The following SNRNP40 variants were observed in gnomAD, a reference collection of about 807,000 sequenced individuals.
The protein encoded by SNRNP40 is small nuclear ribonucleoprotein U5 subunit 40.
Under a neutral mutation model 45.8 loss-of-function variants are expected in SNRNP40, and 21 were observed. The ratio of observed to expected loss-of-function variants is 0.46; its 90% confidence interval spans 0.32 to 0.66. The LOEUF (loss-of-function observed/expected upper bound fraction) is 0.66, where lower values mean the gene tolerates loss of function less well. Ranked by LOEUF, SNRNP40 falls within the 30% of genes least tolerant of loss-of-function variation. The pLI is 0.03. For synonymous variants in SNRNP40, 142 were observed against 163.8 expected, an observed-to-expected ratio of 0.87 and a Z score of 1.01; for missense variants, 344 against 439.1, an observed-to-expected ratio of 0.78 and a Z score of 1.94.
chr1:31,280,320 C>T (rs1168639813), intron 5 of SNRNP40, among the ~76,000 whole-genome samples: 1 of 151,578 alleles, frequency 6.6e-6, no homozygotes, highest in Admixed American at 6.6e-5. Context: ...ACCACCATCA[C>T]ATCCAGCTAA....
chr1:31,261,581 G>A lies in SNRNP40; in HGVS notation c.972C>T (p.Pro324=), dbSNP rs367802529. 99 of 1,613,906 alleles carry A rather than the reference G, an allele frequency of 6.1e-5. No homozygotes were observed. Among genetic ancestry groups the A allele is most frequent in the Middle Eastern group, 1.6e-4 (1 of 6,084 alleles). Residue 324 remains proline (P), a synonymous_variant, in exon 9 of 10, where the codon CCC becomes CCT. Transcript: ENST00000263694. ...TTSRRILYKL[P]GHAGSINEVA... is the part of the protein sequence containing the mutation. The stretch of plus-strand genomic sequence containing the variant: ...CTTCATTGATGGAGCCAGCATGGCC[G>A]GGCAGCTTATACAATATTCTCCTGC...
At position 31,296,592 on chromosome 1, in the gene SNRNP40, CG is replaced by C; in HGVS notation, c.141+18del. 6.2e-7 allele frequency: 1 copy of C among 1,600,734 alleles called. No individual in the cohort carries two copies. Among genetic ancestry groups the C allele is most frequent in the Non-Finnish European group, 8.5e-7 (1 of 1,173,912 alleles). ...GGAAGATGAGCTGAGGGCCAAAGGC[CG>C]CCTGCTTCTTCACTTACCGCTTGCA... On this transcript the variant is annotated intron_variant, in intron 1 of 9. Transcript: ENST00000263694.
In SNRNP40 at chr1:31,269,239, A is replaced by T; in HGVS notation, c.777T>A (p.Val259=). 1 of 1,612,964 alleles carries T rather than the reference A, an allele frequency of 6.2e-7. No individual in the cohort carries two copies. Among genetic ancestry groups the T allele is most frequent in the South Asian group, 1.1e-5 (1 of 90,870 alleles). The change falls in exon 7 of 10, where the codon GTT becomes GTA. Residue 259 remains valine (V), a splice_region_variant and synonymous_variant. Transcript: ENST00000263694. ...CAAATGGCCGGACATCCCAGACACG[A>T]ACTGCAAAACAAATCCAAATAAACA... ...YLLSNAMDNT[V]RVWDVRPFAP...
At chr1:31,275,361 A>G (rs1645967514) in intron 5 of SNRNP40, among the ~76,000 whole-genome samples, 2 of 152,040 alleles carry the variant, frequency 1.3e-5, no homozygotes. Context: ...AGTTCGAGAG[A>G]GCAATTACTC....
chr1:31,275,618 G>T (rs1381349575), intron 5 of SNRNP40, among the ~76,000 whole-genome samples: 1 of 152,132 alleles, frequency 6.6e-6, no homozygotes, highest in Non-Finnish European at 1.5e-5. Flanking sequence ...TGGAACTCCC[G>T]GCCTCAAGTG....
At chr1:31,289,664 G>T (rs1005744760) in intron 3 of SNRNP40, among the ~76,000 whole-genome samples, 1 of 152,128 alleles carries the variant, frequency 6.6e-6, no homozygotes, top group Admixed American at 6.5e-5. Flanking sequence ...GAGTCCCCAT[G>T]ACATACATCT....
chr1:31,270,010 C>A (rs1275404530), intron 6 of SNRNP40, among the ~76,000 whole-genome samples: 2 of 152,174 alleles, frequency 1.3e-5, no homozygotes, highest in Non-Finnish European at 2.9e-5. Context: ...TCAAGTGATT[C>A]TCCTGCCTCA....
At chr1:31,283,299 T>C (rs189283248) in intron 4 of SNRNP40, among the ~76,000 whole-genome samples, 29 of 152,316 alleles carry the variant, frequency 1.9e-4, no homozygotes, top group African/African-American at 6.0e-4. Context: ...TTTACAAAAT[T>C]AGTTCAAAAA....
At chr1:31,263,790 G>A (rs1645877233) in intron 8 of SNRNP40, 1 of 237,588 alleles carries the variant, frequency 4.2e-6, no homozygotes, top group South Asian at 4.3e-5. Context: ...CCCAGCAGGG[G>A]GTTCCTATGT....
chr1:31,276,329 T>G, intron 5 of SNRNP40, among the ~76,000 whole-genome samples: 1 of 152,120 alleles, frequency 6.6e-6, no homozygotes, highest in Non-Finnish European at 1.5e-5. Flanking sequence ...GAGCTATGAT[T>G]CCACCACCAC....
intron 3 of SNRNP40, 69 bp from the exon 4 acceptor site, chr1:31,289,488 T>C (rs367924804): frequency 2.1e-5 from 31 of 1,483,620 alleles, no homozygotes; most frequent in African/African-American, 6.9e-5. Flanking sequence ...TCTTTCCTAC[T>C]TGACAAAAGG....
chr1:31,296,524 C>A (rs1156581051), intron 1 of SNRNP40, 87 bp downstream of exon 1: 6 of 1,470,394 alleles, frequency 4.1e-6, no homozygotes, highest in Admixed American at 2.3e-5. Context: ...CCCCGCAATG[C>A]GGGAAAGGGT....
At chr1:31,260,295 C>G (rs1416572323) in intron 9 of SNRNP40, among the ~76,000 whole-genome samples, 174 bp from the exon 10 acceptor site, 1 of 152,114 alleles carries the variant, frequency 6.6e-6, no homozygotes, top group African/African-American at 2.4e-5. Flanking sequence ...AATCCAAGTC[C>G]TCTAATATCA....
Position 31,289,236 on chromosome 1 carries a change from C to G in SNRNP40, c.531+18G>C. On this transcript the variant is annotated intron_variant, in intron 4 of 9. Transcript: ENST00000263694. ...TCACATCACCTCAGAAACTGGAACA[C>G]GGAGAGACAATACCCACCTTAACTG... 6.2e-7 allele frequency: 1 copy of G among 1,611,266 alleles called. No homozygotes were observed. Among genetic ancestry groups the G allele is most frequent in the Non-Finnish European group, 8.5e-7 (1 of 1,178,144 alleles).
chr1:31,296,517 C>T, intron 1 of SNRNP40, 94 bp downstream of exon 1: 1 of 1,448,464 alleles, frequency 6.9e-7, no homozygotes, highest in Non-Finnish European at 9.3e-7. Flanking sequence ...GTTCTGCCCC[C>T]GCAATGCGGG....
intron 5 of SNRNP40, among the ~76,000 whole-genome samples, chr1:31,274,794 TA>T (rs1348349856): frequency 1.3e-5 from 2 of 152,134 alleles, no homozygotes; most frequent in Non-Finnish European, 2.9e-5. Flanking sequence ...CCAATCCTAT[TA>T]CCAGGTAGGA....
intron 5 of SNRNP40, among the ~76,000 whole-genome samples, chr1:31,271,793 G>A (rs538247513): frequency 1.3e-5 from 2 of 152,130 alleles, no homozygotes; most frequent in South Asian, 4.2e-4. Flanking sequence ...ACAGGAGCAT[G>A]CTACTATACC....
At chr1:31,263,335 C>A (rs7520461) in intron 8 of SNRNP40, 147,083 of 149,076 alleles carry the variant, frequency 0.99, 72,592 homozygotes, top group Middle Eastern at 1. Flanking sequence ...TTGTTTTTCT[C>A]AATTAATTTT....
Position 31,270,133 on chromosome 1 carries a change from C to T in SNRNP40, c.776-893G>A, listed in dbSNP as rs868770584. Reference sequence around the variant, plus strand: ...GGCCAGGCTGGTCTCAAACTCCTGACCTCAGGTGATCTACCCTGCCCAGCC... The same window carrying T: ...GGCCAGGCTGGTCTCAAACTCCTGATCTCAGGTGATCTACCCTGCCCAGCC... On this transcript the variant is annotated intron_variant, in intron 6 of 9. Coordinates refer to ENST00000263694, the MANE Select transcript of SNRNP40 (RefSeq NM_004814.3). Among the ~76,000 whole-genome samples, 10 of 152,114 alleles carry T rather than the reference C, an allele frequency of 6.6e-5. 1 individual carries two copies. Among genetic ancestry groups the T allele is most frequent in the African/African-American group, 2.2e-4 (9 of 41,430 alleles).
Sources: gnomAD v4.1 joint callset for allele counts (sites outside exome capture counted in the v4.1 genomes callset) on GRCh38, gnomAD v4.1.1 for gene constraint, MANE v1.5 for transcripts, NCBI Gene and HGNC (gene_info 2026-07-23, HGNC 2026-07-21) for gene names.